SGMS1: variants seen among roughly 807,000 people sequenced by gnomAD.
SGMS1 encodes sphingomyelin synthase 1, also known as phosphatidylcholine:ceramide cholinephosphotransferase 1.
In SGMS1, 13 loss-of-function variants were observed where a neutral mutation model predicts 46.2. That is an observed-to-expected ratio of 0.28 (90% confidence interval 0.18 to 0.45). The LOEUF (loss-of-function observed/expected upper bound fraction) is 0.45, where lower values mean the gene tolerates loss of function less well. Ranked by LOEUF, SGMS1 falls within the 20% of genes least tolerant of loss-of-function variation. The probability of loss-of-function intolerance (pLI) is 1.00; values close to 1 mark genes in which losing one functional copy is unlikely to be tolerated. For synonymous variants in SGMS1, 203 were observed against 187.8 expected (o/e 1.08, Z -0.66); for missense variants, 324 against 519.9 (o/e 0.62, Z 3.66).
At chr10:50,464,348 A>G (rs1837303535) in intron 4 of SGMS1, among the ~76,000 whole-genome samples, 1 of 152,226 alleles carries the variant, frequency 6.6e-6, no homozygotes, top group Admixed American at 6.5e-5. Context: ...CCAGGAGCCA[A>G]GAAATGCAGC....
At chr10:50,476,137 G>A (rs898055834) in intron 3 of SGMS1, among the ~76,000 whole-genome samples, 1 of 145,246 alleles carries the variant, frequency 6.9e-6, no homozygotes, top group Non-Finnish European at 1.5e-5. Flanking sequence ...AGCCAGGCAT[G>A]GTGGCGTGTG....
In SGMS1 at chr10:50,535,788, C is replaced by T. The variant is rs78197770; in HGVS notation, c.-588-15867G>A. 1.1e-4 allele frequency among the ~76,000 whole-genome samples: 16 copies of T among 152,234 alleles called. No individual in the cohort carries two copies. The East Asian group carries it at 3.1e-3, about 29-fold the overall frequency. On this transcript the variant is annotated intron_variant, in intron 2 of 10. Coordinates refer to ENST00000361781, the MANE Select transcript of SGMS1 (RefSeq NM_147156.4). ...TCTAGAGTCTGAGATGCTCTCACAC[C>T]TCTGATTCAGCCACTTTTGGGGGAG...
chr10:50,428,253 C>T (rs11005626), intron 6 of SGMS1, among the ~76,000 whole-genome samples: 32,087 of 151,940 alleles, frequency 0.21, 3,418 homozygotes, highest in Admixed American at 0.25. Context: ...CCCTAACTGG[C>T]GCATGATAGT....
intron 4 of SGMS1, among the ~76,000 whole-genome samples, chr10:50,462,162 T>A (rs1349027780): frequency 6.6e-6 from 1 of 152,136 alleles, no homozygotes; most frequent in Non-Finnish European, 1.5e-5. Flanking sequence ...CTTGGGAGGA[T>A]GAGGCAGGAG....
At chr10:50,552,815 T>G (rs1020724135) in intron 2 of SGMS1, among the ~76,000 whole-genome samples, 3 of 152,172 alleles carry the variant, frequency 2.0e-5, no homozygotes, top group Non-Finnish European at 4.4e-5. Context: ...GGGCTCTAAA[T>G]GCAATCAAAG....
intron 6 of SGMS1, among the ~76,000 whole-genome samples, chr10:50,419,854 AG>A (rs1490807927): frequency 7.2e-5 from 11 of 152,214 alleles, no homozygotes; most frequent in African/African-American, 2.7e-4. Context: ...CCACAGGCCA[AG>A]GTTTCTTGAA....
intron 2 of SGMS1, among the ~76,000 whole-genome samples, chr10:50,527,890 C>T (rs1588865621): frequency 6.6e-6 from 1 of 152,276 alleles, no homozygotes; most frequent in South Asian, 2.1e-4. Context: ...GGCAGGTCCT[C>T]CAACGGCAGC....
At chr10:50,602,346 A>T (rs1838656753) in intron 1 of SGMS1, among the ~76,000 whole-genome samples, 1 of 152,198 alleles carries the variant, frequency 6.6e-6, no homozygotes, top group Non-Finnish European at 1.5e-5. Flanking sequence ...TTCTGAATTC[A>T]CCTGTCCTAC....
At chr10:50,591,232 G>C (rs902572472) in intron 1 of SGMS1, among the ~76,000 whole-genome samples, 1 of 152,210 alleles carries the variant, frequency 6.6e-6, no homozygotes, top group Non-Finnish European at 1.5e-5. Context: ...CTAAGCGTCA[G>C]AGATGATATC....
At chr10:50,315,605 G>A (rs1240221383) in intron 8 of SGMS1, among the ~76,000 whole-genome samples, 1 of 152,142 alleles carries the variant, frequency 6.6e-6, no homozygotes, top group African/African-American at 2.4e-5. Flanking sequence ...CATATATTCT[G>A]CCCAGTGTTT....
chr10:50,501,498 T>G (rs1837661370), intron 3 of SGMS1, among the ~76,000 whole-genome samples: 1 of 152,200 alleles, frequency 6.6e-6, no homozygotes, highest in Non-Finnish European at 1.5e-5. Context: ...CTGAGTTCAT[T>G]AAGGAAATTA....
At chr10:50,330,004 C>A (rs1238244658) in intron 7 of SGMS1, among the ~76,000 whole-genome samples, 1 of 152,114 alleles carries the variant, frequency 6.6e-6, no homozygotes, top group African/African-American at 2.4e-5. Flanking sequence ...TTTTATAGAT[C>A]ATTATTAAGA....
chr10:50,321,018 T>C (rs1018623779), intron 8 of SGMS1, among the ~76,000 whole-genome samples: 2 of 150,344 alleles, frequency 1.3e-5, no homozygotes, highest in African/African-American at 5.0e-5. Flanking sequence ...TTTACCAGTA[T>C]GCCCACATAG....
At chr10:50,336,045 T>C (rs1021346678) in intron 7 of SGMS1, 1 of 152,112 alleles carries the variant, frequency 6.6e-6, no homozygotes, top group African/African-American at 2.4e-5. Flanking sequence ...TTCACCAACA[T>C]GAGAATGAAA....
intron 3 of SGMS1, among the ~76,000 whole-genome samples, chr10:50,473,215 A>G (rs1271645558): frequency 6.6e-6 from 1 of 152,226 alleles, no homozygotes; most frequent in Non-Finnish European, 1.5e-5. Flanking sequence ...TGTCTGGAAC[A>G]GTAATACTCT....
intron 4 of SGMS1, among the ~76,000 whole-genome samples, chr10:50,466,295 CAAATA>C (rs1245992290): frequency 6.7e-6 from 1 of 149,906 alleles, no homozygotes; most frequent in Non-Finnish European, 1.5e-5. Flanking sequence ...TACCTCTAAA[CAAATA>C]AAATAAATAA....
At chr10:50,486,430 A>G (rs1470319283) in intron 3 of SGMS1, among the ~76,000 whole-genome samples, 1 of 152,238 alleles carries the variant, frequency 6.6e-6, no homozygotes, top group Non-Finnish European at 1.5e-5. Context: ...CAAAGATCTA[A>G]TAACCAGAGT....
chr10:50,424,549 T>C (rs1369056183), intron 6 of SGMS1, among the ~76,000 whole-genome samples: 1 of 152,074 alleles, frequency 6.6e-6, no homozygotes, highest in Non-Finnish European at 1.5e-5. Flanking sequence ...AAAGCAAAAG[T>C]TGACAAGTGA....
At chr10:50,340,864 T>C (rs1847806235) in intron 7 of SGMS1, among the ~76,000 whole-genome samples, 1 of 152,194 alleles carries the variant, frequency 6.6e-6, no homozygotes, top group South Asian at 2.1e-4. Context: ...GATTCTTCTC[T>C]AAAAAGTAGA....
Sources: gnomAD v4.1 joint callset for allele counts (sites outside exome capture counted in the v4.1 genomes callset) on GRCh38, gnomAD v4.1.1 for gene constraint, MANE v1.5 for transcripts, NCBI Gene and HGNC (gene_info 2026-07-23, HGNC 2026-07-21) for gene names.